EVC2: variants seen among roughly 807,000 people sequenced by gnomAD.
EVC2 encodes the protein limbin.
Under a neutral mutation model 149.3 loss-of-function variants are expected in EVC2, and 148 were observed. The ratio of observed to expected loss-of-function variants is 0.99; its 90% CI spans 0.87 to 1.14. The LOEUF is 1.14. EVC2 is among the 50% of genes most tolerant of loss of function. EVC2 has a pLI of 0.00. For synonymous variants in EVC2, 776 were observed against 649.9 expected, an observed-to-expected ratio of 1.19 and a Z score of -2.95; for missense variants, 1,854 against 1,627.3, an observed-to-expected ratio of 1.14 and a Z score of -2.40.
chr4:5,707,792 T>C (rs547989703), intron 1 of EVC2, among the ~76,000 whole-genome samples: 1 of 151,996 alleles, frequency 6.6e-6, no homozygotes, highest in Non-Finnish European at 1.5e-5. Context: ...CAGGGTGAAG[T>C]AGGAAGTGGC....
At position 5,689,206 on chromosome 4, in the gene EVC2, T is replaced by C. The variant is rs376551918; in HGVS notation, c.657A>G (p.Gly219=). Residue 219 remains glycine, a synonymous_variant, in exon 5 of 22, where the codon GGA becomes GGG. Transcript: ENST00000344408. ...IAGLTIWDSV[G]NRTSEGFQAF... is the part of the protein sequence containing the mutation. Reference sequence around the variant, plus strand: ...CCTGGAATCCTTCCGAGGTCCTGTTTCCCACAGAGTCCCAAATGGTGAGAC... The same window carrying C: ...CCTGGAATCCTTCCGAGGTCCTGTTCCCCACAGAGTCCCAAATGGTGAGAC... 1.2e-6 allele frequency: 2 copies of C among 1,614,098 alleles called. No individual in the cohort carries two copies. The highest frequency in any genetic ancestry group is 2.7e-5 in the African/African-American group (2 of 74,938).
rs1715822296 is a variant in EVC2 at position 5,622,924 on chromosome 4, T to C, written c.2114A>G (p.Gln705Arg). 6.2e-7 allele frequency: 1 copy of C among 1,614,176 alleles called. No homozygotes were observed. The highest frequency in any genetic ancestry group is 8.5e-7 in the Non-Finnish European group (1 of 1,180,026). Residue 705 changes from glutamine (Q) to arginine (R), a missense_variant, in exon 14 of 22, where the codon CAG becomes CGG. Transcript: ENST00000344408. This position sits in a 1 kb window ranked among gnomAD's most constrained non-coding sequence, Gnocchi z 5.8. ...CAGGCTCCTCTTCTGGTGCAGGTACTGGCCGGCATCCTCAACCGTTCGGAA... is the reference window on the plus strand; with the variant it reads ...CAGGCTCCTCTTCTGGTGCAGGTACCGGCCGGCATCCTCAACCGTTCGGAA... ...EAFRTVEDAG[Q>R]YLHQKRSLME...
chr4:5,658,180 C>T (rs912366030), intron 9 of EVC2, among the ~76,000 whole-genome samples: 3 of 152,168 alleles, frequency 2.0e-5, no homozygotes, highest in African/African-American at 4.8e-5. Context: ...AGTCTTGGAT[C>T]TACCACAGTG....
intron 16 of EVC2, among the ~76,000 whole-genome samples, chr4:5,588,690 A>G (rs1339871150): frequency 6.6e-6 from 1 of 152,184 alleles, no homozygotes; most frequent in African/African-American, 2.4e-5. Context: ...GTATATTCAA[A>G]TCAAACTTCT....
intron 21 of EVC2, among the ~76,000 whole-genome samples, chr4:5,551,800 C>T (rs915898060): frequency 6.6e-6 from 1 of 152,094 alleles, no homozygotes; most frequent in Non-Finnish European, 1.5e-5. Flanking sequence ...GCCGGTCTTT[C>T]CCGTGCTGTT....
In EVC2 at chr4:5,685,465, CA is replaced by C; in HGVS notation, c.720del (p.Phe240LeufsTer38). The C allele has an allele frequency of 6.2e-7, 1 of 1,614,160 alleles. No individual in the cohort carries two copies. Among genetic ancestry groups the C allele is most frequent in the Non-Finnish European group, 8.5e-7 (1 of 1,180,028 alleles). ...TGGAGCGTGGCTGCGTAGCTGACAG[CA>C]AAGGCATCTCCCACTGCGCAGAGAA... Reference protein sequence around the residue: ...SKKFLQVGDAFAVSYAATLQA... With the variant: ...SKKFLQVGDAXAVSYAATLQA... On this transcript the variant is annotated frameshift_variant, in exon 6 of 22. Coordinates refer to ENST00000344408, the MANE Select transcript of EVC2 (RefSeq NM_147127.5). LOFTEE classifies it high-confidence loss of function.
downstream of EVC2, among the ~76,000 whole-genome samples, chr4:5,539,375 A>G (rs897728065): frequency 6.6e-6 from 1 of 152,206 alleles, no homozygotes; most frequent in African/African-American, 2.4e-5. Flanking sequence ...TGATCTATAG[A>G]TTCGACACAA....
chr4:5,665,942 A>G (rs1719252690), intron 7 of EVC2, among the ~76,000 whole-genome samples: 1 of 152,188 alleles, frequency 6.6e-6, no homozygotes, highest in Non-Finnish European at 1.5e-5. Context: ...AAGAATGTTA[A>G]GTTTCCAAAT....
At chr4:5,692,669 C>T (rs1298773809) in intron 3 of EVC2, among the ~76,000 whole-genome samples, 1 of 151,286 alleles carries the variant, frequency 6.6e-6, no homozygotes, top group East Asian at 2.0e-4. Flanking sequence ...AGATCGAGAC[C>T]ATCCTGGCTA....
At chr4:5,530,338 C>T in the EVC2 span, among the ~76,000 whole-genome samples, 2 of 152,140 alleles carry the variant, frequency 1.3e-5, no homozygotes, top group Admixed American at 1.3e-4. Flanking sequence ...TAAGGAGGAT[C>T]CCATGAACCT....
chr4:5,646,937 G>A (rs140047451), intron 9 of EVC2, among the ~76,000 whole-genome samples: 174 of 152,304 alleles, frequency 1.1e-3, no homozygotes, highest in Non-Finnish European at 1.4e-3. Context: ...ACCTCCCTGA[G>A]GAAAATGACT....
chr4:5,585,681 A>G (rs1712218655), intron 16 of EVC2, among the ~76,000 whole-genome samples: 1 of 152,144 alleles, frequency 6.6e-6, no homozygotes, highest in African/African-American at 2.4e-5. Context: ...TTCTACCCCT[A>G]TGAAACCATC....
chr4:5,675,505 G>C (rs1364748874), intron 7 of EVC2, among the ~76,000 whole-genome samples: 1 of 152,212 alleles, frequency 6.6e-6, no homozygotes. Flanking sequence ...CTGCATTAAT[G>C]TAGCTTTGTA....
intron 9 of EVC2, among the ~76,000 whole-genome samples, chr4:5,644,129 T>A (rs375467418): frequency 7.9e-5 from 12 of 152,206 alleles, no homozygotes; most frequent in African/African-American, 2.9e-4. Context: ...CTGCAGAATG[T>A]CCCATGTTCT....
chr4:5,632,130 A>G, intron 10 of EVC2, 98 bp from the exon 11 acceptor site: 1 of 1,477,690 alleles, frequency 6.8e-7, no homozygotes, highest in Admixed American at 1.9e-5. Flanking sequence ...TGCACACACA[A>G]TGTGTACATG....
intron 17 of EVC2, among the ~76,000 whole-genome samples, chr4:5,579,567 C>T (rs553510151): frequency 1.3e-5 from 2 of 152,270 alleles, no homozygotes; most frequent in African/African-American, 4.8e-5. Context: ...CGAGGCTGGG[C>T]GTGGTAGCTC....
intron 7 of EVC2, among the ~76,000 whole-genome samples, chr4:5,680,877 G>A (rs1333507987): frequency 2.7e-5 from 4 of 150,094 alleles, no homozygotes; most frequent in African/African-American, 1.0e-4. Context: ...ATGGTGAAGA[G>A]CAGAAGCAGA....
rs757414709 is a variant in EVC2, at chr4:5,640,813, C to T, written c.1171G>A (p.Ala391Thr). The T allele has an allele frequency of 6.2e-7, 1 of 1,614,114 alleles. No homozygotes were observed. ...CGACAAGCCTCCAGATCTGCATCTG[C>T]CCGATTCAGGGTTGCAATCTCCAAC... ...EELEIATLNR[A>T]DADLEACRTQ... The change falls in exon 10 of 22, where the codon GCA (alanine) becomes ACA (threonine). Residue 391 changes from alanine to threonine, a missense_variant. Physicochemically the swap from Ala to Thr is moderately conservative, Grantham distance 58. Transcript: ENST00000344408. This position sits in a 1 kb window ranked among gnomAD's most constrained non-coding sequence, Gnocchi z 4.6.
intron 9 of EVC2, among the ~76,000 whole-genome samples, chr4:5,643,271 A>G (rs1717472805): frequency 6.6e-6 from 1 of 152,212 alleles, no homozygotes; most frequent in South Asian, 2.1e-4. Flanking sequence ...GCATCCCTGT[A>G]CTGGAAGGAA....
Sources: gnomAD v4.1 joint callset for allele counts (sites outside exome capture counted in the v4.1 genomes callset) on GRCh38, gnomAD v4.1.1 for gene constraint, Gnocchi (gnomAD v3.1) non-coding constraint, MANE v1.5 for transcripts, NCBI Gene and HGNC (gene_info 2026-07-23, HGNC 2026-07-21) for gene names.